The following ERLIN2 variants were observed in gnomAD, a reference collection of about 807,000 sequenced individuals.
ERLIN2 encodes the protein erlin-2.
Under a neutral mutation model 41.5 loss-of-function variants are expected in ERLIN2, and 22 were observed. The ratio of observed to expected loss-of-function variants is 0.53; its 90% CI spans 0.38 to 0.76. The LOEUF (loss-of-function observed/expected upper bound fraction) is 0.76, where lower values mean the gene tolerates loss of function less well. ERLIN2 is among the 30% of genes least tolerant of loss of function. The pLI is 0.00. For missense variants in ERLIN2, 247 were observed against 414.3 expected (o/e 0.60, Z 3.51); for synonymous variants, 149 against 150.9 (o/e 0.99, Z 0.09).
rs1284304637 is a variant in ERLIN2, at chr8:37,754,274, A to G, written c.*159A>G. Reference sequence around the variant, plus strand: ...TTAAATCCACTCCCTTTCTAGGGAAAGGAGGGTGGGGACTGATGATGGGGG... The same window carrying G: ...TTAAATCCACTCCCTTTCTAGGGAAGGGAGGGTGGGGACTGATGATGGGGG... On this transcript the variant is annotated 3_prime_UTR_variant, in exon 12 of 12. Coordinates refer to ENST00000519638, the MANE Select transcript of ERLIN2 (RefSeq NM_007175.8). 8 of 701,990 alleles carry G rather than the reference A, an allele frequency of 1.1e-5. No individual in the cohort carries two copies. Among genetic ancestry groups the G allele is most frequent in the Non-Finnish European group, 1.8e-5 (7 of 395,428 alleles). The allele number at this position is 701,990 out of a possible 1,614,324, so 43.5% of individuals were successfully genotyped here. A position where few individuals can be genotyped will look rare whatever the true frequency, so the allele number is the denominator to read the frequency against.
chr8:37,744,722 CGTGCTTAAGCAGG>C, intron 6 of ERLIN2, 26 bp downstream of exon 6: 4 of 1,613,990 alleles, frequency 2.5e-6, no homozygotes, highest in Non-Finnish European at 3.4e-6. Context: ...CTGAGCATGC[CGTGCTTAAGCAGG>C]GTTCCTGGAA....
chr8:37,748,555 C>A (rs968940310), intron 6 of ERLIN2, among the ~76,000 whole-genome samples: 4 of 152,312 alleles, frequency 2.6e-5, no homozygotes, highest in Non-Finnish European at 5.9e-5. Context: ...TACTAGCCAG[C>A]TTTCATGGGC....
At position 37,750,031 on chromosome 8, in the gene ERLIN2, A is replaced by G. The variant is rs1289034897; in HGVS notation, c.557+179A>G. On this transcript the variant is annotated intron_variant, in intron 8 of 11. Transcript: ENST00000519638. ...GTCAGGGCCACCACTGGGGCTCCCTACCTGTGATTGAGAACCCCAGGATAA... is the reference window on the plus strand; with the variant it reads ...GTCAGGGCCACCACTGGGGCTCCCTGCCTGTGATTGAGAACCCCAGGATAA... 5.7e-6 allele frequency: 4 copies of G among 695,700 alleles called. No individual in the cohort carries two copies. The Admixed American group carries it at 8.1e-5, about 14-fold the overall frequency. 43.1% of individuals were successfully genotyped at this position (695,700 alleles called of 1,614,324 possible). A position where few individuals can be genotyped will look rare whatever the true frequency, so the allele number is the denominator to read the frequency against.
Position 37,737,941 on chromosome 8 carries a change from G to C in ERLIN2, c.19G>C (p.Val7Leu). MAQLGAVVAVASSFFCA... is the reference protein window; with the variant it reads MAQLGALVAVASSFFCA... ...CTCACTGATGGCTCAGTTGGGAGCAGTTGTGGCTGTGGCTTCCAGTTTCTT... is the reference window on the plus strand; with the variant it reads ...CTCACTGATGGCTCAGTTGGGAGCACTTGTGGCTGTGGCTTCCAGTTTCTT... The change falls in exon 2 of 12, where the codon GTT becomes CTT. Residue 7 changes from valine to leucine, a missense_variant. Coordinates refer to ENST00000519638, the MANE Select transcript of ERLIN2 (RefSeq NM_007175.8). 1 of 1,614,204 alleles carries C rather than the reference G, an allele frequency of 6.2e-7. No individual in the cohort carries two copies. Among genetic ancestry groups the C allele is most frequent in the South Asian group, 1.1e-5 (1 of 91,088 alleles).
Position 37,737,935 on chromosome 8 carries a change from GGA to G in ERLIN2, c.15_16del (p.Ala6SerfsTer54). The G allele has an allele frequency of 1.2e-6, 2 of 1,614,178 alleles. No individual in the cohort carries two copies. The highest frequency in any genetic ancestry group is 1.7e-6 in the Non-Finnish European group (2 of 1,180,030). On this transcript the variant is annotated frameshift_variant, in exon 2 of 12. Coordinates refer to ENST00000519638, the MANE Select transcript of ERLIN2 (RefSeq NM_007175.8). LOFTEE classifies it high-confidence loss of function. The part of the protein sequence containing the change: MAQL[G>X]AVVAVASSFF... Reference sequence around the variant, plus strand: ...TAAAGGCTCACTGATGGCTCAGTTGGGAGCAGTTGTGGCTGTGGCTTCCAGTT... The same window carrying G: ...TAAAGGCTCACTGATGGCTCAGTTGGGCAGTTGTGGCTGTGGCTTCCAGTT...
intron 1 of ERLIN2, chr8:37,737,101 A>G (rs1802673358): frequency 3.9e-6 from 2 of 507,298 alleles, no homozygotes; most frequent in Non-Finnish European, 2.5e-6. Context: ...ACGCACGCAC[A>G]GCTGAACTTT....
chr8:37,737,138 A>G (rs1285326373), intron 1 of ERLIN2: 1 of 325,632 alleles, frequency 3.1e-6, no homozygotes, highest in Non-Finnish European at 4.4e-6. Context: ...GTTCCAGATC[A>G]TTCAGCGTTC....
At chr8:37,747,970 G>C (rs973792280) in intron 6 of ERLIN2, 9 of 1,614,116 alleles carry the variant, frequency 5.6e-6, no homozygotes, top group Non-Finnish European at 6.8e-6. Flanking sequence ...CCGAGTGTCA[G>C]AGCAGACTAC....
intron 1 of ERLIN2, chr8:37,737,106 A>G (rs991782796): frequency 3.6e-5 from 16 of 448,870 alleles, no homozygotes; most frequent in Non-Finnish European, 4.1e-5. Context: ...CGCACAGCTG[A>G]ACTTTGCAGT....
chr8:37,746,825 C>T (rs1803068222), intron 6 of ERLIN2, among the ~76,000 whole-genome samples: 1 of 152,174 alleles, frequency 6.6e-6, no homozygotes, highest in Non-Finnish European at 1.5e-5. Context: ...TAGTGGGTCT[C>T]CTCTGACAGT....
rs1028362442 is a variant in ERLIN2, at chr8:37,757,116, A to T, written c.*3001A>T. ...AGGAAAAGGAGCTGTTTTATAAATG[A>T]TCATTCACTGTTCCTATGGTTCTAT... On this transcript the variant is annotated 3_prime_UTR_variant, in exon 12 of 12. Transcript: ENST00000519638. The T allele has an allele frequency of 1.3e-5, 2 of 152,228 alleles. No individual in the cohort carries two copies. Among genetic ancestry groups the T allele is most frequent in the East Asian group, 1.9e-4 (1 of 5,200 alleles). The allele number at this position is 152,228 out of a possible 1,614,324, so 9.4% of individuals were successfully genotyped here.
intron 10 of ERLIN2, among the ~76,000 whole-genome samples, chr8:37,752,887 CT>C (rs1287949004): frequency 6.6e-6 from 1 of 152,206 alleles, no homozygotes; most frequent in African/African-American, 2.4e-5. Flanking sequence ...TAATTAGGAC[CT>C]TTTTGAAATG....
chr8:37,741,913 C>A lies in ERLIN2; in HGVS notation c.236+95C>A. 1 of 945,162 alleles carries A rather than the reference C, an allele frequency of 1.1e-6. No homozygotes were observed. Among genetic ancestry groups the A allele is most frequent in the Non-Finnish European group, 1.7e-6 (1 of 577,912 alleles). 58.5% of individuals were successfully genotyped at this position (945,162 alleles called of 1,614,324 possible). On this transcript the variant is annotated intron_variant, in intron 4 of 11. Coordinates refer to ENST00000519638, the MANE Select transcript of ERLIN2 (RefSeq NM_007175.8). The surrounding 1 kb of genome is among the most constrained non-coding windows in gnomAD (Gnocchi z 4.8). ...AAGAGACAGTGAAAAGGGAGGCACC[C>A]TTTCTTGGTTAATTCCCTGTCTCGT...
intron 2 of ERLIN2, among the ~76,000 whole-genome samples, chr8:37,738,538 G>A (rs1802736083): frequency 6.6e-6 from 1 of 152,104 alleles, no homozygotes; most frequent in African/African-American, 2.4e-5. Context: ...TAACATTTCA[G>A]CCAGCCTGGG....
chr8:37,755,124 C>T lies in ERLIN2; in HGVS notation c.*1009C>T, dbSNP rs1173017637. 6.6e-6 allele frequency: 1 copy of T among 152,260 alleles called. No individual in the cohort carries two copies. The highest frequency in any genetic ancestry group is 1.5e-5 in the Non-Finnish European group (1 of 68,076). 9.4% of individuals were successfully genotyped at this position (152,260 alleles called of 1,614,324 possible). ...CCTGTGGCTTGTGCTGGGAGTGGGT[C>T]TGACTTAGTGATAAAAGGACTCTAT... On this transcript the variant is annotated 3_prime_UTR_variant, in exon 12 of 12. Transcript: ENST00000519638.
intron 2 of ERLIN2, 107 bp from the exon 3 acceptor site, chr8:37,740,258 C>A: frequency 1.3e-6 from 1 of 776,390 alleles, no homozygotes; most frequent in Non-Finnish European, 2.3e-6. Context: ...ATGTCACTCT[C>A]TATTATATGT....
chr8:37,740,243 A>C (rs1211475739), intron 2 of ERLIN2, 122 bp from the exon 3 acceptor site: 30 of 741,164 alleles, frequency 4.0e-5, no homozygotes, highest in Non-Finnish European at 7.5e-5. Context: ...CCATGGCTGC[A>C]GCACATGTCA....
chr8:37,736,928 G>T (rs1290602324), intron 1 of ERLIN2: 28 of 985,948 alleles, frequency 2.8e-5, no homozygotes, highest in Non-Finnish European at 3.3e-5. Flanking sequence ...GGGCGGGGAA[G>T]GGGCGCGAGT....
chr8:37,750,021 G>T (rs552016170), intron 8 of ERLIN2, 169 bp downstream of exon 8: 1 of 708,884 alleles, frequency 1.4e-6, no homozygotes, highest in African/African-American at 1.7e-5. Context: ...GGCCACCACT[G>T]GGGCTCCCTA....
Sources: allele counts gnomAD v4.1 joint callset (sites outside exome capture counted in the v4.1 genomes callset), GRCh38; gene constraint gnomAD v4.1.1; non-coding constraint Gnocchi (gnomAD v3.1); transcripts MANE v1.5; gene names NCBI Gene and HGNC (gene_info 2026-07-23, HGNC 2026-07-21).